The following ZNF766 variants were observed in gnomAD, a reference collection of about 807,000 sequenced individuals.
The protein encoded by ZNF766 is zinc finger protein 766.
Under a neutral mutation model 13.2 loss-of-function variants are expected in ZNF766, and 13 were observed. The ratio of observed to expected loss-of-function variants is 0.98; its 90% CI spans 0.64 to 1.56. The LOEUF is 1.56. Among genes scored for constraint, ZNF766 ranks in the 40% most tolerant of loss-of-function variants. The pLI, the probability that ZNF766 is intolerant of heterozygous loss-of-function variation, is 0.00. For synonymous variants in ZNF766, 178 were observed against 187.6 expected (o/e 0.95, Z 0.42); for missense variants, 521 against 552.2 (o/e 0.94, Z 0.57).
rs1257747494 is a variant in ZNF766 at position 52,293,540 on chromosome 19, G to C, written c.*2342G>C. 6.6e-6 allele frequency: 1 copy of C among 151,874 alleles called. No homozygotes were observed. Among genetic ancestry groups the C allele is most frequent in the Non-Finnish European group, 1.5e-5 (1 of 67,968 alleles). 9.4% of individuals were successfully genotyped at this position (151,874 alleles called of 1,614,324 possible). Reference sequence around the variant, plus strand: ...TGAAATGAAATGACATGCACTTTTGGGTATATACACTTGGGTAAGTATGAT... The same window carrying C: ...TGAAATGAAATGACATGCACTTTTGCGTATATACACTTGGGTAAGTATGAT... On this transcript the variant is annotated 3_prime_UTR_variant, in exon 4 of 4. Transcript: ENST00000439461.
chr19:52,278,215 C>T (rs980876467), intron 1 of ZNF766, among the ~76,000 whole-genome samples: 5 of 152,048 alleles, frequency 3.3e-5, no homozygotes, highest in African/African-American at 1.2e-4. Flanking sequence ...GGATTACAGG[C>T]GTGAGCCATC....
chr19:52,289,933 G>A (rs546256604), intron 3 of ZNF766, 133 bp from the exon 4 acceptor site: 57 of 841,874 alleles, frequency 6.8e-5, no homozygotes, highest in Non-Finnish European at 8.1e-5. Flanking sequence ...CCTGGGAGGC[G>A]GAGCTTGCAG....
At chr19:52,272,865 C>G (rs968456123) in intron 1 of ZNF766, among the ~76,000 whole-genome samples, 2 of 152,144 alleles carry the variant, frequency 1.3e-5, no homozygotes, top group Non-Finnish European at 2.9e-5. Flanking sequence ...GCATCTCCAC[C>G]TTCGTATGTG....
intron 1 of ZNF766, among the ~76,000 whole-genome samples, chr19:52,272,787 C>A (rs1231320868): frequency 6.6e-6 from 1 of 152,090 alleles, no homozygotes; most frequent in Non-Finnish European, 1.5e-5. Flanking sequence ...GCCCTGCAGA[C>A]CTCTGCCCTG....
chr19:52,282,096 C>T lies in ZNF766; in HGVS notation c.19-15C>T, dbSNP rs1323408480. The T allele has an allele frequency of 6.3e-7, 1 of 1,592,982 alleles. No individual in the cohort carries two copies. The highest frequency in any genetic ancestry group is 8.6e-7 in the Non-Finnish European group (1 of 1,167,252). On this transcript the variant is annotated splice_polypyrimidine_tract_variant and intron_variant, in intron 1 of 3. Coordinates refer to ENST00000439461, the MANE Select transcript of ZNF766 (RefSeq NM_001010851.3). ...CTCTCCTTACCCTGTTGGTCAAATA[C>T]ATCTTTTATTTTAGGGACACTTGAC...
At chr19:52,284,028 C>T (rs1981683722) in intron 3 of ZNF766, among the ~76,000 whole-genome samples, 1 of 152,254 alleles carries the variant, frequency 6.6e-6, no homozygotes, top group Admixed American at 6.5e-5. Flanking sequence ...AGCCACCGCG[C>T]CCAGCCCACG....
At chr19:52,270,206 T>C (rs1980915443) in intron 1 of ZNF766, among the ~76,000 whole-genome samples, 1 of 152,066 alleles carries the variant, frequency 6.6e-6, no homozygotes, top group Non-Finnish European at 1.5e-5. Flanking sequence ...GAAACTGTGC[T>C]CTTGAGGAGG....
intron 3 of ZNF766, among the ~76,000 whole-genome samples, chr19:52,285,248 T>C (rs1981755942): frequency 1.3e-5 from 2 of 152,086 alleles, no homozygotes; most frequent in South Asian, 4.1e-4. Context: ...ACCAAAGGTG[T>C]GGGGGGTTTT....
At position 52,289,486 on chromosome 19, in the gene ZNF766, C is replaced by T. The variant is rs939632621; in HGVS notation, c.275-580C>T. ...AGTGTCTTATTTTCCCTAAGAGACT[C>T]ATCCTGCTTTTTCTTAGAAGCTTTC... is the stretch of plus-strand genomic sequence containing the variant. On this transcript the variant is annotated intron_variant, in intron 3 of 3. Transcript: ENST00000439461. 7.2e-5 allele frequency among the ~76,000 whole-genome samples: 11 copies of T among 152,116 alleles called. 1 individual carries two copies. Among genetic ancestry groups the T allele is most frequent in the Admixed American group, 2.0e-4 (3 of 15,258 alleles).
At position 52,293,151 on chromosome 19, in the gene ZNF766, T is replaced by A. The variant is rs1982223376; in HGVS notation, c.*1953T>A. On this transcript the variant is annotated 3_prime_UTR_variant, in exon 4 of 4. Transcript: ENST00000439461. ...CCCTGCAAAGGACATGAACTCATCC[T>A]TTTTATGGCTGCATAGTATTCCTTT... 6.6e-6 allele frequency: 1 copy of A among 151,932 alleles called. No homozygotes were observed. The highest frequency in any genetic ancestry group is 1.5e-5 in the Non-Finnish European group (1 of 67,996). 9.4% of individuals were successfully genotyped at this position (151,932 alleles called of 1,614,324 possible). A position where few individuals can be genotyped will look rare whatever the true frequency, so the allele number is the denominator to read the frequency against.
Position 52,294,171 on chromosome 19 carries a change from T to C in ZNF766, c.*2973T>C, listed in dbSNP as rs1057351023. On this transcript the variant is annotated 3_prime_UTR_variant, in exon 4 of 4. Coordinates refer to ENST00000439461, the MANE Select transcript of ZNF766 (RefSeq NM_001010851.3). ...AAGTGTGGACTTCAGGATGAAAATA[T>C]TGTAACAATCTTGCTGTTGACCTCG... 5 of 152,280 alleles carry C rather than the reference T, an allele frequency of 3.3e-5. No individual in the cohort carries two copies. Among genetic ancestry groups the C allele is most frequent in the Non-Finnish European group, 4.4e-5 (3 of 68,022 alleles). The allele number at this position is 152,280 out of a possible 1,614,324, so 9.4% of individuals were successfully genotyped here.
At chr19:52,283,493 G>C in intron 3 of ZNF766, 80 bp downstream of exon 3, 2 of 1,451,944 alleles carry the variant, frequency 1.4e-6, no homozygotes, top group South Asian at 1.4e-5. Context: ...ACACTGGAGT[G>C]CATTGGCCAT....
rs1982276074 is a variant in ZNF766 at position 52,294,668 on chromosome 19, G to A, written c.*3470G>A. ...GATGGGCAGAATAGGAAGAGGGAGT[G>A]CAGAGGTGTAAAAGGCGTTGGTGTT... On this transcript the variant is annotated 3_prime_UTR_variant, in exon 4 of 4. Coordinates refer to ENST00000439461, the MANE Select transcript of ZNF766 (RefSeq NM_001010851.3). 6.6e-6 allele frequency: 1 copy of A among 152,168 alleles called. No individual in the cohort carries two copies. The highest frequency in any genetic ancestry group is 6.6e-5 in the Admixed American group (1 of 15,262). 9.4% of individuals were successfully genotyped at this position (152,168 alleles called of 1,614,324 possible).
intron 1 of ZNF766, among the ~76,000 whole-genome samples, chr19:52,273,817 T>C (rs1019014250): frequency 2.0e-5 from 3 of 152,218 alleles, no homozygotes; most frequent in African/African-American, 7.2e-5. Context: ...GGTGGGGGTG[T>C]GCTGGGCTTG....
chr19:52,272,769 C>T (rs1259091140), intron 1 of ZNF766, among the ~76,000 whole-genome samples: 1 of 152,164 alleles, frequency 6.6e-6, no homozygotes, highest in East Asian at 1.9e-4. Flanking sequence ...ATCTACCTGT[C>T]TCCATGTGCC....
In ZNF766 at chr19:52,291,277, C is replaced by A; in HGVS notation, c.*79C>A. On this transcript the variant is annotated 3_prime_UTR_variant, in exon 4 of 4. Coordinates refer to ENST00000439461, the MANE Select transcript of ZNF766 (RefSeq NM_001010851.3). ...ACTAGAAAGAAATCATTTAAATGTA[C>A]TATATGTGGCACAGGCTGTATCGAG... 1 of 1,368,040 alleles carries A rather than the reference C, an allele frequency of 7.3e-7. No homozygotes were observed. Among genetic ancestry groups the A allele is most frequent in the Non-Finnish European group, 9.9e-7 (1 of 1,005,736 alleles). 84.7% of individuals were successfully genotyped at this position (1,368,040 alleles called of 1,614,324 possible). A position where few individuals can be genotyped will look rare whatever the true frequency, so the allele number is the denominator to read the frequency against.
chr19:52,285,275 G>A (rs1419796964), intron 3 of ZNF766, among the ~76,000 whole-genome samples: 1 of 152,102 alleles, frequency 6.6e-6, no homozygotes, highest in Non-Finnish European at 1.5e-5. Context: ...ACACCAAGCA[G>A]CAGACAGCAG....
intron 1 of ZNF766, among the ~76,000 whole-genome samples, chr19:52,276,084 A>C (rs1981184524): frequency 1.3e-5 from 2 of 152,348 alleles, no homozygotes; most frequent in South Asian, 4.1e-4. Flanking sequence ...ACAGGTTTTT[A>C]GCAGTAGGCT....
chr19:52,286,093 A>G (rs1981803318), intron 3 of ZNF766, among the ~76,000 whole-genome samples: 1 of 151,632 alleles, frequency 6.6e-6, no homozygotes, highest in South Asian at 2.1e-4. Flanking sequence ...CTGCATTTAA[A>G]TGATATAAGA....
Sources: gnomAD v4.1 joint callset for allele counts (sites outside exome capture counted in the v4.1 genomes callset) on GRCh38, gnomAD v4.1.1 for gene constraint, MANE v1.5 for transcripts, NCBI Gene and HGNC (gene_info 2026-07-23, HGNC 2026-07-21) for gene names.